The following HS6ST3 variants were observed in gnomAD, a reference collection of about 807,000 sequenced individuals.
HS6ST3 encodes heparan-sulfate 6-O-sulfotransferase 3.
A neutral mutation model predicts 36.7 loss-of-function variants in HS6ST3; 12 were observed. The ratio of observed to expected loss-of-function variants is 0.33; its 90% CI spans 0.21 to 0.53. The LOEUF (loss-of-function observed/expected upper bound fraction) is 0.53, where lower values mean the gene tolerates loss of function less well. Ranked by LOEUF, HS6ST3 falls within the 20% of genes least tolerant of loss-of-function variation. The pLI is 0.95. For missense variants in HS6ST3, 584 were observed against 640.9 expected, an observed-to-expected ratio of 0.91 and a Z score of 0.96; for synonymous variants, 240 against 257.5, an observed-to-expected ratio of 0.93 and a Z score of 0.65.
At chr13:96,761,799 GAC>G (rs1222238659) in intron 1 of HS6ST3, among the ~76,000 whole-genome samples, 1 of 151,908 alleles carries the variant, frequency 6.6e-6, no homozygotes, top group African/African-American at 2.4e-5. Context: ...TCCATCTATT[GAC>G]ACACACACAT....
intron 1 of HS6ST3, among the ~76,000 whole-genome samples, chr13:96,414,244 TC>T (rs2055522060): frequency 6.6e-6 from 1 of 152,226 alleles, no homozygotes; most frequent in Non-Finnish European, 1.5e-5. Context: ...AAAATTCATT[TC>T]ATTGTGGTTT....
intron 1 of HS6ST3, among the ~76,000 whole-genome samples, chr13:96,790,447 GT>G (rs1294103300): frequency 6.6e-6 from 1 of 151,924 alleles, no homozygotes; most frequent in Non-Finnish European, 1.5e-5. Context: ...TCAAATATTT[GT>G]GGAGTCTCTA....
intron 1 of HS6ST3, among the ~76,000 whole-genome samples, chr13:96,190,145 T>C (rs1357337710): frequency 6.6e-6 from 1 of 152,238 alleles, no homozygotes; most frequent in East Asian, 1.9e-4. Flanking sequence ...GATAGGATCA[T>C]ATGTATTTGC....
chr13:96,657,117 C>T (rs1167461989), intron 1 of HS6ST3, among the ~76,000 whole-genome samples: 1 of 151,946 alleles, frequency 6.6e-6, no homozygotes, highest in Non-Finnish European at 1.5e-5. Context: ...AAAGGTAGAA[C>T]CCAACCATCC....
intron 1 of HS6ST3, among the ~76,000 whole-genome samples, chr13:96,762,681 C>G (rs1472188579): frequency 6.6e-6 from 1 of 152,138 alleles, no homozygotes; most frequent in East Asian, 1.9e-4. Context: ...ATAAAATTAA[C>G]AAACGGTTGT....
In HS6ST3 at chr13:96,091,181, G is replaced by A. The variant is rs1446015396; in HGVS notation, c.319G>A (p.Glu107Lys). Reference sequence around the variant, plus strand: ...CCGGGAGGGGGAGGAAGAGGAGGAGGAAGACGAGCCGGACCCCGAGGCCCC... The same window carrying A: ...CCGGGAGGGGGAGGAAGAGGAGGAGAAAGACGAGCCGGACCCCGAGGCCCC... ...DPREGEEEEE[E>K]DEPDPEAPEN... The change falls in exon 1 of 2, where the codon GAA (glutamate) becomes AAA (lysine). Residue 107 changes from glutamate (E) to lysine (K), a missense_variant. By Grantham distance (56) the Glu-to-Lys change is moderately conservative (BLOSUM62 1). Coordinates refer to ENST00000376705, the MANE Select transcript of HS6ST3 (RefSeq NM_153456.4). 1.9e-6 allele frequency: 3 copies of A among 1,551,274 alleles called. No individual in the cohort carries two copies. The highest frequency in any genetic ancestry group is 2.4e-5 in the South Asian group (2 of 84,152).
intron 1 of HS6ST3, among the ~76,000 whole-genome samples, chr13:96,442,394 C>G (rs1404253520): frequency 6.6e-6 from 1 of 152,098 alleles, no homozygotes. Flanking sequence ...AAAAAAAGAT[C>G]CACATTTTCT....
At chr13:96,112,578 A>AATATACGTAT (rs397773858) in intron 1 of HS6ST3, among the ~76,000 whole-genome samples, 1 of 81,224 alleles carries the variant, frequency 1.2e-5, no homozygotes, top group Non-Finnish European at 2.3e-5. Context: ...AAAATAAATA[A>AATATACGTAT]ATATATATAT....
intron 1 of HS6ST3, among the ~76,000 whole-genome samples, chr13:96,127,797 C>G (rs1339851547): frequency 6.6e-6 from 1 of 152,136 alleles, no homozygotes; most frequent in Non-Finnish European, 1.5e-5. Context: ...TTTCATCTAC[C>G]CCTTGTGTGC....
At chr13:96,210,575 C>CA (rs2054393799) in intron 1 of HS6ST3, among the ~76,000 whole-genome samples, 1 of 151,436 alleles carries the variant, frequency 6.6e-6, no homozygotes, top group Non-Finnish European at 1.5e-5. Context: ...ATGTTGTTAT[C>CA]ATTTCTTTCT....
At chr13:96,528,949 G>A (rs923283879) in intron 1 of HS6ST3, among the ~76,000 whole-genome samples, 8 of 152,040 alleles carry the variant, frequency 5.3e-5, no homozygotes, top group African/African-American at 1.9e-4. Flanking sequence ...GATTTCGGGA[G>A]TAAGTTAGTA....
intron 1 of HS6ST3, among the ~76,000 whole-genome samples, chr13:96,490,008 T>C (rs533436935): frequency 6.6e-6 from 1 of 152,254 alleles, no homozygotes; most frequent in African/African-American, 2.4e-5. Flanking sequence ...TACTCATACT[T>C]AGCTCTGAAC....
chr13:96,708,103 T>G (rs1875471759), intron 1 of HS6ST3, among the ~76,000 whole-genome samples: 1 of 152,238 alleles, frequency 6.6e-6, no homozygotes, highest in South Asian at 2.1e-4. Context: ...TCAGCCATTC[T>G]GCAGAAAAGC....
At chr13:96,203,835 A>G (rs1013849439) in intron 1 of HS6ST3, among the ~76,000 whole-genome samples, 5 of 152,230 alleles carry the variant, frequency 3.3e-5, no homozygotes, top group African/African-American at 9.6e-5. Flanking sequence ...TCCGAATTCC[A>G]TGCCTTTTTG....
At chr13:96,175,048 T>G (rs1372385423) in intron 1 of HS6ST3, among the ~76,000 whole-genome samples, 1 of 152,330 alleles carries the variant, frequency 6.6e-6, no homozygotes, top group East Asian at 1.9e-4. Flanking sequence ...TTATTATTTT[T>G]GGGTTTGCAT....
intron 1 of HS6ST3, among the ~76,000 whole-genome samples, chr13:96,536,026 T>C (rs1404769043): frequency 6.6e-6 from 1 of 152,202 alleles, no homozygotes; most frequent in Non-Finnish European, 1.5e-5. Flanking sequence ...CAAATGCCAA[T>C]TTAAAAACTT....
At chr13:96,728,592 C>A (rs1469623967) in intron 1 of HS6ST3, among the ~76,000 whole-genome samples, 1 of 152,170 alleles carries the variant, frequency 6.6e-6, no homozygotes, top group African/African-American at 2.4e-5. Context: ...AATAGTGAGT[C>A]ATTTTCAGAA....
rs755839066 is a variant in HS6ST3, at chr13:96,184,866, C to T, written c.707+93297C>T. Among the ~76,000 whole-genome samples, 40 of 152,182 alleles carry T rather than the reference C, an allele frequency of 2.6e-4. 1 individual carries two copies. The highest frequency in any genetic ancestry group is 3.8e-4 in the Non-Finnish European group (26 of 68,010). ...CTTCTCTAGGGGAATACAAATTCCACGAGGGTAAGGATCTCATCATCTTCC... is the reference window on the plus strand; with the variant it reads ...CTTCTCTAGGGGAATACAAATTCCATGAGGGTAAGGATCTCATCATCTTCC... On this transcript the variant is annotated intron_variant, in intron 1 of 1. Transcript: ENST00000376705.
intron 1 of HS6ST3, among the ~76,000 whole-genome samples, chr13:96,112,327 G>A (rs959620478): frequency 6.6e-6 from 1 of 151,726 alleles, no homozygotes; most frequent in East Asian, 1.9e-4. Flanking sequence ...ATAAGCTTTG[G>A]GATAATGTAA....
Sources: allele counts gnomAD v4.1 joint callset (sites outside exome capture counted in the v4.1 genomes callset), GRCh38; gene constraint gnomAD v4.1.1; transcripts MANE v1.5; gene names NCBI Gene and HGNC (gene_info 2026-07-23, HGNC 2026-07-21).